VCP: variants seen among roughly 807,000 people sequenced by gnomAD.
VCP encodes the protein valosin containing protein, also known as transitional endoplasmic reticulum ATPase.
A neutral mutation model predicts 85.7 loss-of-function variants in VCP; 6 were observed. That is an observed-to-expected ratio of 0.07 (90% confidence interval 0.04 to 0.14). The LOEUF (loss-of-function observed/expected upper bound fraction) is 0.14, where lower values mean the gene tolerates loss of function less well. Ranked by LOEUF, VCP falls within the 10% of genes least tolerant of loss-of-function variation. The pLI is 1.00. For missense variants in VCP, 353 were observed against 1,043.4 expected, an observed-to-expected ratio of 0.34 and a Z score of 9.12; for synonymous variants, 384 against 367.1, an observed-to-expected ratio of 1.05 and a Z score of -0.53.
chr9:35,062,394 T>A (rs1207047445), intron 7 of VCP, 44 bp from the exon 8 acceptor site: 1 of 1,613,234 alleles, frequency 6.2e-7, no homozygotes, highest in Non-Finnish European at 8.5e-7. Context: ...TGATAGTCTT[T>A]CCCAATTCCT....
chr9:35,061,813 C>G (rs1828726711), intron 9 of VCP, 124 bp from the exon 10 acceptor site: 3 of 1,411,932 alleles, frequency 2.1e-6, no homozygotes, highest in South Asian at 1.2e-5. Context: ...AAAAAAGTCT[C>G]AAGCTCTGGG....
Position 35,067,797 on chromosome 9 carries a change from A to G in VCP, c.302+94T>C, listed in dbSNP as rs1013071250. ...AGGCTTCCTGCATCGACAGGTGCCA[A>G]GAACTTGGTCCTGCCTGTAATACAT... On this transcript the variant is annotated intron_variant, in intron 3 of 16. Coordinates refer to ENST00000358901, the MANE Select transcript of VCP (RefSeq NM_007126.5). 2.6e-6 allele frequency: 4 copies of G among 1,538,266 alleles called. No homozygotes were observed. In the African/African-American group the frequency reaches 5.4e-5, roughly 21 times the overall value.
At chr9:35,071,349 T>G (rs563833906) in intron 1 of VCP, among the ~76,000 whole-genome samples, 67 of 126,468 alleles carry the variant, frequency 5.3e-4, no homozygotes, top group Non-Finnish European at 7.2e-4. Flanking sequence ...TATTCTAAAT[T>G]GAATGGGCTG....
rs767274225 is a variant in VCP, at chr9:35,067,843, G to T, written c.302+48C>A. The T allele has an allele frequency of 3.7e-6, 6 of 1,612,290 alleles. No individual in the cohort carries two copies. In the South Asian group the frequency reaches 6.6e-5, roughly 18 times the overall value. On this transcript the variant is annotated intron_variant, in intron 3 of 16. Coordinates refer to ENST00000358901, the MANE Select transcript of VCP (RefSeq NM_007126.5). The stretch of plus-strand genomic sequence containing the variant: ...TACATGGGTCCTGCCTGTAATGCAG[G>T]CTATCTCTGGCCTCCCATCCCTGTG...
At chr9:35,061,744 G>A in intron 9 of VCP, 55 bp from the exon 10 acceptor site, 1 of 1,500,552 alleles carries the variant, frequency 6.7e-7, no homozygotes, top group South Asian at 1.1e-5. Context: ...AGAGGTAAGA[G>A]ACAGGCCTAG....
rs1828865507 is a variant in VCP, at chr9:35,067,936, C to T, written c.257G>A (p.Arg86Lys). The T allele has an allele frequency of 6.2e-7, 1 of 1,614,130 alleles. No homozygotes were observed. Among genetic ancestry groups the T allele is most frequent in the African/African-American group, 1.3e-5 (1 of 74,942 alleles). ...TACACGAAGGTTATTCCGAACAACT[C>T]TATTCATCCGAATCTTCTCATCAGA... Reference protein sequence around the residue: ...TCSDEKIRMNRVVRNNLRVRL... With the variant: ...TCSDEKIRMNKVVRNNLRVRL... The change falls in exon 3 of 17, where the codon AGA becomes AAA. Residue 86 changes from arginine (R) to lysine (K), a missense_variant. Physicochemically the swap from Arg to Lys is conservative, Grantham distance 26. This residue lies in a region of VCP where 69 missense variants were observed against 132.9 expected (regional missense o/e 0.52). Transcript: ENST00000358901.
Position 35,067,879 on chromosome 9 carries a change from C to A in VCP, c.302+12G>T. The A allele has an allele frequency of 6.2e-7, 1 of 1,614,162 alleles. No individual in the cohort carries two copies. Among genetic ancestry groups the A allele is most frequent in the Non-Finnish European group, 8.5e-7 (1 of 1,180,034 alleles). ...CCTCCCATCCCTGTGAAGCCAAAAA[C>A]CCCACACACACCTGATGACATCCCC... On this transcript the variant is annotated intron_variant, in intron 3 of 16. Coordinates refer to ENST00000358901, the MANE Select transcript of VCP (RefSeq NM_007126.5).
Position 35,056,896 on chromosome 9 carries a change from C to G in VCP, c.*221G>C, listed in dbSNP as rs1828618091. 1.8e-6 allele frequency: 1 copy of G among 544,628 alleles called. No individual in the cohort carries two copies. Among genetic ancestry groups the G allele is most frequent in the South Asian group, 1.9e-5 (1 of 52,910 alleles). 33.7% of individuals were successfully genotyped at this position (544,628 alleles called of 1,614,324 possible). On this transcript the variant is annotated 3_prime_UTR_variant, in exon 17 of 17. Transcript: ENST00000358901. ...GGCCCAATTCCCTGTTGGTAATTCA[C>G]TCTCCGCCTACCAAATGAAAATCGC...
At chr9:35,062,895 A>C (rs966560111) in intron 7 of VCP, 83 bp downstream of exon 7, 1 of 1,297,294 alleles carries the variant, frequency 7.7e-7, no homozygotes, top group Non-Finnish European at 1.1e-6. Context: ...GGGTGCAAAA[A>C]GGATGTGTTC....
At chr9:35,057,675 G>T in intron 15 of VCP, 145 bp from the exon 16 acceptor site, 1 of 1,097,680 alleles carries the variant, frequency 9.1e-7, no homozygotes, top group Non-Finnish European at 1.4e-6. Context: ...TCCTAAAATT[G>T]AGTCACTGCT....
At chr9:35,058,854 C>T (rs1265468170) in intron 15 of VCP, among the ~76,000 whole-genome samples, 1 of 152,218 alleles carries the variant, frequency 6.6e-6, no homozygotes, top group East Asian at 1.9e-4. Flanking sequence ...GAGCTTGGTT[C>T]AGACTGAGAA....
chr9:35,063,115 C>G (rs1428381450), intron 6 of VCP, 35 bp from the exon 7 acceptor site: 1 of 1,605,946 alleles, frequency 6.2e-7, no homozygotes, highest in South Asian at 1.1e-5. Context: ...TAGGTTCCCA[C>G]CTTCTCCCAA....
At position 35,062,342 on chromosome 9, in the gene VCP, T is replaced by C; in HGVS notation, c.820A>G (p.Ile274Val). ...AFFFLINGPE[I>V]MSKLAGESES... ...GACTCACCAGCCAATTTGCTCATGA[T>C]CTCAGGACCTGAAAGGATACAGAAT... The change falls in exon 8 of 17, where the codon ATC becomes GTC. Residue 274 changes from isoleucine (I) to valine (V), a missense_variant. Ile to Val is a conservative substitution (Grantham distance 29, BLOSUM62 3). Around this residue, in one of 8 missense-constraint regions of VCP, gnomAD observed 85 missense variants for 345.2 expected, o/e 0.25. Coordinates refer to ENST00000358901, the MANE Select transcript of VCP (RefSeq NM_007126.5). 6.2e-7 allele frequency: 1 copy of C among 1,614,184 alleles called. No homozygotes were observed. The highest frequency in any genetic ancestry group is 1.3e-5 in the African/African-American group (1 of 75,048).
At position 35,057,437 on chromosome 9, in the gene VCP, T is replaced by A; in HGVS notation, c.2254A>T (p.Ile752Phe). The change falls in exon 16 of 17, where the codon ATT (isoleucine) becomes TTT (phenylalanine). Residue 752 changes from isoleucine to phenylalanine, a missense_variant. Ile to Phe is a conservative substitution (Grantham distance 21). This residue lies in a region of VCP where 93 missense variants were observed against 197.1 expected (regional missense o/e 0.47). Coordinates refer to ENST00000358901, the MANE Select transcript of VCP (RefSeq NM_007126.5). ...TGGGCAAACATCTCATACTTCCGAA[T>A]GTCATTGTCACTGACAGAACGGCGC... ...FARRSVSDND[I>F]RKYEMFAQTL... is the part of the protein sequence containing the mutation. 6.2e-7 allele frequency: 1 copy of A among 1,614,268 alleles called. No individual in the cohort carries two copies. Among genetic ancestry groups the A allele is most frequent in the Non-Finnish European group, 8.5e-7 (1 of 1,180,050 alleles).
At position 35,059,396 on chromosome 9, in the gene VCP, C is replaced by T; in HGVS notation, c.2004+97G>A. 6.4e-7 allele frequency: 1 copy of T among 1,551,828 alleles called. No homozygotes were observed. Among genetic ancestry groups the T allele is most frequent in the Non-Finnish European group, 8.8e-7 (1 of 1,141,360 alleles). ...AATTCTACCTTCCCTTTAGACCAAC[C>T]CTAACCCCAGTGGAATCTTGTCCAG... On this transcript the variant is annotated intron_variant, in intron 14 of 16. Transcript: ENST00000358901. This position sits in a 1 kb window ranked among gnomAD's most constrained non-coding sequence, Gnocchi z 4.9.
Position 35,068,180 on chromosome 9 carries a change from G to T in VCP, c.129+71C>A, listed in dbSNP as rs1202831037. ...TATCTGCAGTCACTGCAAGAAAAATGAGAAAAGAAACCTGGGAAAATCCCT... is the reference window on the plus strand; with the variant it reads ...TATCTGCAGTCACTGCAAGAAAAATTAGAAAAGAAACCTGGGAAAATCCCT... On this transcript the variant is annotated intron_variant, in intron 2 of 16. Transcript: ENST00000358901. 1.4e-5 allele frequency: 22 copies of T among 1,607,372 alleles called. 1 individual carries two copies. Among genetic ancestry groups the T allele is most frequent in the Non-Finnish European group, 1.9e-5 (22 of 1,174,626 alleles).
In VCP at chr9:35,059,951, A is replaced by G; in HGVS notation, c.1696-150T>C. The G allele has an allele frequency of 1.0e-6, 1 of 959,154 alleles. No individual in the cohort carries two copies. Among genetic ancestry groups the G allele is most frequent in the Non-Finnish European group, 1.6e-6 (1 of 633,382 alleles). 59.4% of individuals were successfully genotyped at this position (959,154 alleles called of 1,614,324 possible). On this transcript the variant is annotated intron_variant, in intron 13 of 16. Coordinates refer to ENST00000358901, the MANE Select transcript of VCP (RefSeq NM_007126.5). This position sits in a 1 kb window ranked among gnomAD's most constrained non-coding sequence, Gnocchi z 4.9. ...AATCCGAAACCAGCATGGGCAACAT[A>G]CTGAGACTTTGTCTCTACAAAAAAT...
In VCP at chr9:35,069,444, CTTTTTTTTT is replaced by C. The variant is rs35498216; in HGVS notation, c.18-1091_18-1083del. On this transcript the variant is annotated intron_variant, in intron 1 of 16. Transcript: ENST00000358901. ...ACTAGACTCAGCAAGCTCCCTCTCC[CTTTTTTTTT>C]TTTTTTTTTTTTTTTTGAGATGGAG... Among the ~76,000 whole-genome samples, 290 of 96,124 alleles carry C rather than the reference CTTTTTTTTT, an allele frequency of 3.0e-3. 2 individuals are homozygous for C. Among genetic ancestry groups the C allele is most frequent in the Non-Finnish European group, 4.9e-3 (231 of 47,442 alleles). The allele number at this position is 96,124 out of a possible 152,430, so 63.1% of individuals were successfully genotyped here.
At chr9:35,068,090 G>C in intron 2 of VCP, 27 bp from the exon 3 acceptor site, 1 of 1,614,042 alleles carries the variant, frequency 6.2e-7, no homozygotes, top group Non-Finnish European at 8.5e-7. Flanking sequence ...AAGGCCTTTG[G>C]GTCATTGGGC....
Sources: allele counts gnomAD v4.1 joint callset (sites outside exome capture counted in the v4.1 genomes callset), GRCh38; gene constraint gnomAD v4.1.1; regional missense constraint gnomAD v4.1.1; non-coding constraint Gnocchi (gnomAD v3.1); transcripts MANE v1.5; gene names NCBI Gene and HGNC (gene_info 2026-07-23, HGNC 2026-07-21).